The following CHD9 variants were observed in gnomAD, a reference collection of about 807,000 sequenced individuals.
CHD9 encodes the protein ATP-dependent chromatin remodeler CHD9.
Under a neutral mutation model 316.1 loss-of-function variants are expected in CHD9, and 77 were observed. The ratio of observed to expected loss-of-function variants is 0.24; its 90% CI spans 0.20 to 0.29. The LOEUF (loss-of-function observed/expected upper bound fraction) is 0.29, where lower values mean the gene tolerates loss of function less well. Among genes scored for constraint, CHD9 ranks in the 10% least tolerant of loss-of-function variants. The pLI, the probability that CHD9 is intolerant of heterozygous loss-of-function variation, is 1.00. For missense variants in CHD9, 2,763 were observed against 3,438.1 expected, an observed-to-expected ratio of 0.80 and a Z score of 4.91; for synonymous variants, 1,129 against 1,158.3, an observed-to-expected ratio of 0.97 and a Z score of 0.51.
intron 1 of CHD9, among the ~76,000 whole-genome samples, chr16:53,107,739 C>T (rs2037483958): frequency 6.6e-6 from 1 of 152,000 alleles, no homozygotes; most frequent in Non-Finnish European, 1.5e-5. Context: ...TGAGCATGGG[C>T]ATGACAAGTT....
Position 53,304,307 on chromosome 16 carries a change from G to C in CHD9, c.6301G>C (p.Asp2101His). Reference sequence around the variant, plus strand: ...GAAATCTGGTGGAAAATGTGAAACAGACAGACGCATGGTTGCAGCCAGAAC... The same window carrying C: ...GAAATCTGGTGGAAAATGTGAAACACACAGACGCATGGTTGCAGCCAGAAC... ...DQKSGGKCET[D>H]RRMVAARTEP... Residue 2101 changes from aspartate to histidine, a missense_variant, in exon 31 of 39, where the codon GAC (aspartate) becomes CAC (histidine). Coordinates refer to ENST00000447540, the MANE Select transcript of CHD9 (RefSeq NM_001308319.2). 1 of 1,612,046 alleles carries C rather than the reference G, an allele frequency of 6.2e-7. No individual in the cohort carries two copies. The highest frequency in any genetic ancestry group is 8.5e-7 in the Non-Finnish European group (1 of 1,179,814).
chr16:53,280,731 A>T (rs2053331963), intron 24 of CHD9, among the ~76,000 whole-genome samples: 1 of 152,106 alleles, frequency 6.6e-6, no homozygotes, highest in Non-Finnish European at 1.5e-5. Flanking sequence ...AAAATGGCAG[A>T]GCAAAGATTC....
intron 29 of CHD9, among the ~76,000 whole-genome samples, chr16:53,296,682 C>G (rs1282102468): frequency 6.6e-6 from 1 of 151,700 alleles, no homozygotes; most frequent in African/African-American, 2.4e-5. Flanking sequence ...CCTGACCTTG[C>G]GATCCGCCCG....
intron 30 of CHD9, chr16:53,299,764 G>A: frequency 5.8e-6 from 1 of 173,244 alleles, no homozygotes; most frequent in Non-Finnish European, 1.2e-5. Context: ...CAAGCAGGTT[G>A]AAGAGAAAAA....
chr16:53,233,763 T>C (rs2048381758), intron 10 of CHD9, among the ~76,000 whole-genome samples: 1 of 152,042 alleles, frequency 6.6e-6, no homozygotes, highest in Non-Finnish European at 1.5e-5. Flanking sequence ...ATATCAGGAG[T>C]TGTATGCCAG....
Position 53,293,131 on chromosome 16 carries a change from C to G in CHD9, c.5510+79C>G, listed in dbSNP as rs193011477. On this transcript the variant is annotated intron_variant, in intron 29 of 38. Transcript: ENST00000447540. ...CTAAAGCCTGTCTGGGTACAATTAT[C>G]ACGCTTTGTGGAAAACATACATAGA... 1.1e-4 allele frequency: 141 copies of G among 1,239,548 alleles called. No homozygotes were observed. The African/African-American group carries it at 1.7e-3, about 15-fold the overall frequency. 76.8% of individuals were successfully genotyped at this position (1,239,548 alleles called of 1,614,324 possible).
intron 2 of CHD9, among the ~76,000 whole-genome samples, chr16:53,171,865 C>CAG (rs2042771190): frequency 8.5e-5 from 3 of 35,106 alleles, no homozygotes; most frequent in African/African-American, 2.9e-4. Context: ...CACACAGACA[C>CAG]ACACACACAC....
intron 1 of CHD9, among the ~76,000 whole-genome samples, chr16:53,139,105 G>A (rs759890856): frequency 4.6e-5 from 7 of 151,848 alleles, no homozygotes; most frequent in Admixed American, 1.3e-4. Context: ...AGAATAGCTA[G>A]AAGAAAGAAG....
chr16:53,160,634 C>T (rs1269475865), intron 2 of CHD9, among the ~76,000 whole-genome samples: 1 of 152,128 alleles, frequency 6.6e-6, no homozygotes, highest in African/African-American at 2.4e-5. Context: ...CGGCCAGGCG[C>T]AGTGGCTCAC....
chr16:53,317,686 G>T (rs2056985589), intron 36 of CHD9, among the ~76,000 whole-genome samples: 1 of 152,048 alleles, frequency 6.6e-6, no homozygotes, highest in South Asian at 2.1e-4. Context: ...TAGAGACAGG[G>T]TCTCACCATA....
chr16:53,296,655 C>T (rs1390763622), intron 29 of CHD9, among the ~76,000 whole-genome samples: 1 of 151,802 alleles, frequency 6.6e-6, no homozygotes, highest in Non-Finnish European at 1.5e-5. Flanking sequence ...CCATGTTAGC[C>T]AGTATGGTCT....
chr16:53,080,668 T>C, intron 1 of CHD9, among the ~76,000 whole-genome samples: 1 of 152,144 alleles, frequency 6.6e-6, no homozygotes, highest in Non-Finnish European at 1.5e-5. Flanking sequence ...GCGTAGTAAA[T>C]ACCGTGACTC....
intron 1 of CHD9, among the ~76,000 whole-genome samples, chr16:53,141,743 T>C (rs2040125468): frequency 6.6e-6 from 1 of 152,062 alleles, no homozygotes; most frequent in Admixed American, 6.6e-5. Flanking sequence ...TAAAGTAGTG[T>C]GTAAAATATG....
At chr16:53,095,633 T>G (rs2036313894) in intron 1 of CHD9, among the ~76,000 whole-genome samples, 1 of 152,216 alleles carries the variant, frequency 6.6e-6, no homozygotes, top group African/African-American at 2.4e-5. Context: ...CATAATATTA[T>G]GTGGCTAAAA....
chr16:53,192,371 G>C (rs1014557512), intron 2 of CHD9, among the ~76,000 whole-genome samples: 4 of 152,096 alleles, frequency 2.6e-5, no homozygotes, highest in Non-Finnish European at 5.9e-5. Context: ...GGTAGCTACT[G>C]GGATTAAGGG....
chr16:53,191,650 C>A (rs2044488791), intron 2 of CHD9, among the ~76,000 whole-genome samples: 1 of 152,106 alleles, frequency 6.6e-6, no homozygotes, highest in South Asian at 2.1e-4. Context: ...TATAGATACA[C>A]CACAATTTAC....
At chr16:53,240,699 A>G (rs543151627) in intron 12 of CHD9, among the ~76,000 whole-genome samples, 3 of 152,212 alleles carry the variant, frequency 2.0e-5, no homozygotes, top group East Asian at 1.9e-4. Flanking sequence ...AAATTTTTCT[A>G]AATTGCCCTG....
chr16:53,058,223 C>T (rs138278205), intron 1 of CHD9, among the ~76,000 whole-genome samples: 1 of 152,246 alleles, frequency 6.6e-6, no homozygotes, highest in Non-Finnish European at 1.5e-5. Context: ...GGAGTTCAAG[C>T]GATTCTCCTG....
rs543987775 is a variant in CHD9 at position 53,177,076 on chromosome 16, C to T, written c.1452+19535C>T. On this transcript the variant is annotated intron_variant, in intron 2 of 38. Coordinates refer to ENST00000447540, the MANE Select transcript of CHD9 (RefSeq NM_001308319.2). The stretch of plus-strand genomic sequence containing the variant: ...GTTCCAGTGATTCTCCTGCCTCAGC[C>T]TCCCAGGTAGCTGGGATTACAGGCA... Among the ~76,000 whole-genome samples the T allele has an allele frequency of 4.7e-4, 72 of 152,312 alleles. 2 individuals are homozygous for T. The South Asian group carries it at 0.013, about 28-fold the overall frequency.
Sources: allele counts gnomAD v4.1 joint callset (sites outside exome capture counted in the v4.1 genomes callset), GRCh38; gene constraint gnomAD v4.1.1; transcripts MANE v1.5; gene names NCBI Gene and HGNC (gene_info 2026-07-23, HGNC 2026-07-21).